Variants in HIP1R observed in about 807,000 individuals in gnomAD.
The protein encoded by HIP1R is huntingtin interacting protein 1 related.
In HIP1R, 135 loss-of-function variants were observed where a neutral mutation model predicts 144.2. The observed-to-expected ratio is 0.94, with a 90% CI of 0.81 to 1.08. The LOEUF (loss-of-function observed/expected upper bound fraction) is 1.08. HIP1R is among the 50% of genes least tolerant of loss of function. The probability of loss-of-function intolerance (pLI) is 0.00; values close to 1 mark genes in which losing one functional copy is unlikely to be tolerated. For missense variants in HIP1R, 1,462 were observed against 1,432.8 expected, an observed-to-expected ratio of 1.02 and a Z score of -0.33; for synonymous variants, 698 against 612.8, an observed-to-expected ratio of 1.14 and a Z score of -2.05.
In HIP1R at chr12:122,854,136, G is replaced by C. The variant is rs2135664200; in HGVS notation, c.671G>C (p.Ser224Thr). ...APLIQVIQDC[S>T]HLYHYTVKLL... ...CTCATCCAGGTCATCCAGGACTGCA[G>C]CCACCTCTACCACTACACGGTCAAG... is the stretch of plus-strand genomic sequence containing the variant. The change falls in exon 8 of 32, where the codon AGC becomes ACC. Residue 224 changes from serine to threonine, a missense_variant. Ser to Thr is a moderately conservative substitution (Grantham distance 58). This residue lies in a region of HIP1R where 350 missense variants were observed against 421.1 expected (regional missense o/e 0.83). Transcript: ENST00000253083. 1 of 1,613,854 alleles carries C rather than the reference G, an allele frequency of 6.2e-7. No individual in the cohort carries two copies. Among genetic ancestry groups the C allele is most frequent in the East Asian group, 2.2e-5 (1 of 44,884 alleles).
chr12:122,843,274 C>G (rs949448973), intron 1 of HIP1R, among the ~76,000 whole-genome samples: 1 of 152,212 alleles, frequency 6.6e-6, no homozygotes, highest in Non-Finnish European at 1.5e-5. Flanking sequence ...CATCTCTGGT[C>G]CATGTCTGGC....
At chr12:122,843,829 C>A (rs765515476) in intron 1 of HIP1R, among the ~76,000 whole-genome samples, 1 of 152,196 alleles carries the variant, frequency 6.6e-6, no homozygotes. Context: ...CAAGGTGTCT[C>A]ACGGCGCTGT....
Position 122,836,081 on chromosome 12 carries a change from C to T in HIP1R, c.93+438C>T, listed in dbSNP as rs1472045025. Among the ~76,000 whole-genome samples, 2 of 152,090 alleles carry T rather than the reference C, an allele frequency of 1.3e-5. No homozygotes were observed. Among genetic ancestry groups the T allele is most frequent in the African/African-American group, 4.8e-5 (2 of 41,438 alleles). ...GGCCGGCGCGGCCCGACTGGGGTCC[C>T]CGACCTTCCGTGCCGCTCCTTGCCG... On this transcript the variant is annotated intron_variant, in intron 1 of 31. Coordinates refer to ENST00000253083, the MANE Select transcript of HIP1R (RefSeq NM_003959.3). The surrounding 1 kb of genome is among the most constrained non-coding windows in gnomAD (Gnocchi z 4.1).
chr12:122,860,948 C>T lies in HIP1R; in HGVS notation c.2799C>T (p.Ser933=), dbSNP rs886841894. 3.7e-6 allele frequency: 6 copies of T among 1,613,114 alleles called. No homozygotes were observed. The African/African-American group carries it at 6.7e-5, about 18-fold the overall frequency. ...VKANKHSPHL[S]RLQECSRTVN... ...CCAACAAGCACAGCCCCCACCTGAG[C>T]CGCCTGCAGGAATGTTCTCGCACAG... The change falls in exon 29 of 32, where the codon AGC becomes AGT. Residue 933 remains serine (S), a synonymous_variant. Transcript: ENST00000253083.
rs145368193 is a variant in HIP1R at position 122,856,057 on chromosome 12, G to C, written c.1206G>C (p.Lys402Asn). 6.3e-7 allele frequency: 1 copy of C among 1,593,070 alleles called. No individual in the cohort carries two copies. Among genetic ancestry groups the C allele is most frequent in the Non-Finnish European group, 8.5e-7 (1 of 1,170,134 alleles). Residue 402 changes from lysine (K) to asparagine (N), a missense_variant, in exon 14 of 32, where the codon AAG becomes AAC. This residue lies in a region of HIP1R where 1,112 missense variants were observed against 1,011.7 expected (regional missense o/e 1.10). Transcript: ENST00000253083. The stretch of plus-strand genomic sequence containing the variant: ...AGCTGGAGGAGCAGCGGAAGCAGAA[G>C]CAGAAGGCCCTGGTGGATAATGAGC... ...EGELEEQRKQ[K>N]QKALVDNEQL...
At chr12:122,847,425 C>T (rs2033241040) in intron 1 of HIP1R, among the ~76,000 whole-genome samples, 1 of 152,190 alleles carries the variant, frequency 6.6e-6, no homozygotes, top group Admixed American at 6.5e-5. Flanking sequence ...CCACTCCTGC[C>T]TTCCTCCGCC....
Position 122,860,968 on chromosome 12 carries a change from G to A in HIP1R, c.2819G>A (p.Arg940His), listed in dbSNP as rs917652181. The A allele has an allele frequency of 1.5e-5, 24 of 1,613,492 alleles. No homozygotes were observed. The highest frequency in any genetic ancestry group is 1.7e-4 in the Middle Eastern group (1 of 6,060). Residue 940 changes from arginine (R) to histidine (H), a missense_variant, in exon 29 of 32, where the codon CGC (arginine) becomes CAC (histidine). By Grantham distance (29) the Arg-to-His change is conservative. Transcript: ENST00000253083. ...CTGAGCCGCCTGCAGGAATGTTCTC[G>A]CACAGTCAATGAGAGGGCTGCCAAT... The part of the protein sequence containing the change: ...PHLSRLQECS[R>H]TVNERAANVV...
chr12:122,849,731 G>C lies in HIP1R; in HGVS notation c.358-144G>C, dbSNP rs1416903185. Reference sequence around the variant, plus strand: ...AGATTAAGGGAAAAAGCTAGAGACAGAGAGGGTGGTTGGTGGAGGCCAGGA... The same window carrying C: ...AGATTAAGGGAAAAAGCTAGAGACACAGAGGGTGGTTGGTGGAGGCCAGGA... On this transcript the variant is annotated intron_variant, in intron 4 of 31. Transcript: ENST00000253083. 6 of 620,582 alleles carry C rather than the reference G, an allele frequency of 9.7e-6. No individual in the cohort carries two copies. In the East Asian group the frequency reaches 1.4e-4, roughly 14 times the overall value. 38.4% of individuals were successfully genotyped at this position (620,582 alleles called of 1,614,324 possible).
At chr12:122,845,824 TA>T (rs2033193167) in intron 1 of HIP1R, among the ~76,000 whole-genome samples, 1 of 152,140 alleles carries the variant, frequency 6.6e-6, no homozygotes, top group Non-Finnish European at 1.5e-5. Context: ...ATCTGGAGCC[TA>T]GGGCCTGGGG....
chr12:122,856,284 C>T lies in HIP1R; in HGVS notation c.1341C>T (p.Tyr447=). 6.2e-7 allele frequency: 1 copy of T among 1,613,894 alleles called. No individual in the cohort carries two copies. Among genetic ancestry groups the T allele is most frequent in the South Asian group, 1.1e-5 (1 of 91,088 alleles). The change falls in exon 15 of 32, where the codon TAC becomes TAT. Residue 447 remains tyrosine, a synonymous_variant. Transcript: ENST00000253083. ...ERKASATEAR[Y]NKLKEKHSEL... ...AGGCCAGTGCCACGGAGGCGCGCTA[C>T]AACAAGCTGAAGGAAAAGCACAGTG...
At chr12:122,851,123 C>T in intron 6 of HIP1R, 113 bp from the exon 7 acceptor site, 5 of 1,005,976 alleles carry the variant, frequency 5.0e-6, no homozygotes, top group African/African-American at 1.7e-5. Flanking sequence ...CACGCTGTCT[C>T]ACCAGAGCCA....
rs767513078 is a variant in HIP1R, at chr12:122,859,499, C to T, written c.2369C>T (p.Thr790Ile). 1 of 1,613,358 alleles carries T rather than the reference C, an allele frequency of 6.2e-7. No individual in the cohort carries two copies. The highest frequency in any genetic ancestry group is 8.5e-7 in the Non-Finnish European group (1 of 1,179,856). Residue 790 changes from threonine to isoleucine, a missense_variant, in exon 23 of 32, where the codon ACA becomes ATA. Physicochemically the swap from Thr to Ile is moderately conservative, Grantham distance 89 (BLOSUM62 -1). Transcript: ENST00000253083. ...GTGGTCGACAAGGAGATGGCGGCCACATCCGCAGCCATTGAAGATGCTGTG... is the reference window on the plus strand; with the variant it reads ...GTGGTCGACAAGGAGATGGCGGCCATATCCGCAGCCATTGAAGATGCTGTG... ...GAVVDKEMAA[T>I]SAAIEDAVRR...
intron 7 of HIP1R, 121 bp from the exon 8 acceptor site, chr12:122,853,922 A>G (rs2033475467): frequency 1.0e-5 from 12 of 1,189,470 alleles, no homozygotes; most frequent in Non-Finnish European, 1.4e-5. Context: ...CCCGTCTTGG[A>G]GGCAGGGGGC....
In HIP1R at chr12:122,853,802, C is replaced by CCT. The variant is rs549730759; in HGVS notation, c.578-240_578-239dup. The CCT allele has an allele frequency of 1.8e-4, 77 of 427,320 alleles. 2 individuals carry two copies. In the South Asian group the frequency reaches 2.7e-3, roughly 15 times the overall value. The allele number at this position is 427,320 out of a possible 1,614,324, so 26.5% of individuals were successfully genotyped here. Reference sequence around the variant, plus strand: ...CTCCCAGGTGGAGGTCTCTGGAAGCCCTTGCTGAGCTGGGCTGGGAGCTCC... The same window carrying CCT: ...CTCCCAGGTGGAGGTCTCTGGAAGCCCTCTTGCTGAGCTGGGCTGGGAGCTCC... On this transcript the variant is annotated intron_variant, in intron 7 of 31. Coordinates refer to ENST00000253083, the MANE Select transcript of HIP1R (RefSeq NM_003959.3).
At position 122,855,018 on chromosome 12, in the gene HIP1R, C is replaced by A. The variant is rs202162558; in HGVS notation, c.777-35C>A. On this transcript the variant is annotated intron_variant, in intron 9 of 31. Coordinates refer to ENST00000253083, the MANE Select transcript of HIP1R (RefSeq NM_003959.3). ...CCGGTGGGGGAGAGGCTCCGTGGCC[C>A]CTTCCTGAACCCGAACTTCCCACCA... 7 of 1,613,604 alleles carry A rather than the reference C, an allele frequency of 4.3e-6. No homozygotes were observed. In the African/African-American group the frequency reaches 9.3e-5, roughly 22 times the overall value.
intron 1 of HIP1R, among the ~76,000 whole-genome samples, chr12:122,837,279 C>T (rs940321841): frequency 2.0e-5 from 3 of 151,814 alleles, no homozygotes; most frequent in African/African-American, 4.8e-5. Flanking sequence ...GATACAGGAC[C>T]ACACATTTTA....
intron 12 of HIP1R, 102 bp downstream of exon 12, chr12:122,855,714 A>G (rs1327471201): frequency 8.6e-6 from 13 of 1,510,682 alleles, no homozygotes; most frequent in South Asian, 7.2e-5. Flanking sequence ...GGTGGGGAAC[A>G]TGAACCCGTG....
intron 1 of HIP1R, among the ~76,000 whole-genome samples, chr12:122,843,940 G>A (rs754986944): frequency 6.6e-6 from 1 of 151,994 alleles, no homozygotes; most frequent in Non-Finnish European, 1.5e-5. Flanking sequence ...AGCCTCCCAG[G>A]TTCAAGCGAT....
In HIP1R at chr12:122,862,164, G is replaced by A. The variant is rs1207872206; in HGVS notation, c.*411G>A. On this transcript the variant is annotated 3_prime_UTR_variant, in exon 32 of 32. Transcript: ENST00000253083. ...CCTGCCTTCTGGACTCCTGAAGGTC[G>A]TGGATGGATGGAAGGCACACAGCCC... 2.8e-5 allele frequency: 5 copies of A among 180,932 alleles called. No homozygotes were observed. Among genetic ancestry groups the A allele is most frequent in the Non-Finnish European group, 5.7e-5 (5 of 87,330 alleles). 11.2% of individuals were successfully genotyped at this position (180,932 alleles called of 1,614,324 possible).
Sources: gnomAD v4.1 joint callset for allele counts (sites outside exome capture counted in the v4.1 genomes callset) on GRCh38, gnomAD v4.1.1 for gene constraint, gnomAD v4.1.1 regional missense constraint, Gnocchi (gnomAD v3.1) non-coding constraint, MANE v1.5 for transcripts, NCBI Gene and HGNC (gene_info 2026-07-23, HGNC 2026-07-21) for gene names.